GABRA3: variants seen among roughly 807,000 people sequenced by gnomAD.
The protein encoded by GABRA3 is gamma-aminobutyric acid receptor subunit alpha-3.
A neutral mutation model predicts 30.1 loss-of-function variants in GABRA3; 10 were observed. That is an observed-to-expected ratio of 0.33 (90% CI 0.20 to 0.56). The LOEUF (loss-of-function observed/expected upper bound fraction) is 0.56, where lower values mean the gene tolerates loss of function less well. GABRA3 is among the 20% of genes least tolerant of loss of function. The probability of loss-of-function intolerance (pLI) is 0.89; values close to 1 mark genes in which losing one functional copy is unlikely to be tolerated. For missense variants in GABRA3, 233 were observed against 392.0 expected (o/e 0.59, Z 3.42); for synonymous variants, 151 against 146.8 (o/e 1.03, Z -0.21).
rs1481480650 is a variant in GABRA3, at chrX:152,167,196, G to A, written c.*1032C>T. Reference sequence around the variant, plus strand: ...CCAGGGTGTGGAATGTGGAGTGTATGGAAGGAAGAATTTGACTTTCATCTG... The same window carrying A: ...CCAGGGTGTGGAATGTGGAGTGTATAGAAGGAAGAATTTGACTTTCATCTG... On this transcript the variant is annotated 3_prime_UTR_variant, in exon 10 of 10. Coordinates refer to ENST00000370314, the MANE Select transcript of GABRA3 (RefSeq NM_000808.4). The A allele has an allele frequency of 1.8e-5, 2 of 110,714 alleles. No homozygotes were observed. Among genetic ancestry groups the A allele is most frequent in the Non-Finnish European group, 3.8e-5 (2 of 52,939 alleles). 9.1% of individuals were successfully genotyped at this position (110,714 alleles called of 1,213,427 possible).
At chrX:152,372,932 T>C (rs1353527105) in intron 1 of GABRA3, among the ~76,000 whole-genome samples, 1 of 111,768 alleles carries the variant, frequency 8.9e-6, no homozygotes, top group East Asian at 2.8e-4. Context: ...ATCTCATTTT[T>C]TCAATGCCAC....
At chrX:152,449,039 C>T (rs971067465) in intron 1 of GABRA3, among the ~76,000 whole-genome samples, 2 of 111,732 alleles carry the variant, frequency 1.8e-5, no homozygotes, top group African/African-American at 3.3e-5. Flanking sequence ...GTCTAATATC[C>T]AGCATGAAGT....
chrX:152,223,380 T>G (rs1383576657), intron 6 of GABRA3, among the ~76,000 whole-genome samples: 1 of 111,867 alleles, frequency 8.9e-6, no homozygotes, highest in Non-Finnish European at 1.9e-5. Flanking sequence ...ATTTTAAAAA[T>G]TCCTAGTAAT....
chrX:152,202,891 T>A (rs1937503212), intron 7 of GABRA3, among the ~76,000 whole-genome samples: 1 of 112,765 alleles, frequency 8.9e-6, no homozygotes, highest in African/African-American at 3.2e-5. Context: ...ATTTACCTCC[T>A]CTTTCTCTTA....
At chrX:152,176,743 A>T (rs1222223130) in intron 9 of GABRA3, among the ~76,000 whole-genome samples, 2 of 111,695 alleles carry the variant, frequency 1.8e-5, no homozygotes, top group African/African-American at 6.5e-5. Flanking sequence ...AGTTACATAT[A>T]TCAGTCTGCA....
intron 1 of GABRA3, among the ~76,000 whole-genome samples, chrX:152,445,084 A>G (rs1166855238): frequency 9.6e-6 from 1 of 104,696 alleles, no homozygotes; most frequent in Non-Finnish European, 2.0e-5. Flanking sequence ...AAAAAAAAAA[A>G]AAATACTTGT....
In GABRA3 at chrX:152,303,603, A is replaced by G. The variant is rs749698050; in HGVS notation, c.263-18868T>C. On this transcript the variant is annotated intron_variant, in intron 3 of 9. Coordinates refer to ENST00000370314, the MANE Select transcript of GABRA3 (RefSeq NM_000808.4). ...ATAGACTGGATAAAGAAAATGTGGCACATATACCCATGGAATACCATGCAG... is the reference window on the plus strand; with the variant it reads ...ATAGACTGGATAAAGAAAATGTGGCGCATATACCCATGGAATACCATGCAG... Among the ~76,000 whole-genome samples, 160 of 112,252 alleles carry G rather than the reference A, an allele frequency of 1.4e-3. 1 individual carries two copies. The highest frequency in any genetic ancestry group is 4.6e-3 in the Middle Eastern group (1 of 217).
At chrX:152,214,705 G>A (rs188810700) in intron 6 of GABRA3, among the ~76,000 whole-genome samples, 81 of 111,076 alleles carry the variant, frequency 7.3e-4, no homozygotes, top group Non-Finnish European at 1.3e-3. Context: ...TCCAGTCCAT[G>A]AACACAAGAC....
chrX:152,432,026 CAT>C (rs1451035543), intron 1 of GABRA3, among the ~76,000 whole-genome samples: 1 of 111,686 alleles, frequency 9.0e-6, no homozygotes, highest in African/African-American at 3.3e-5. Flanking sequence ...ACTAATACAA[CAT>C]GTTATCTGGC....
chrX:152,371,842 G>A (rs903555799), intron 1 of GABRA3, among the ~76,000 whole-genome samples: 9 of 111,343 alleles, frequency 8.1e-5, no homozygotes, highest in African/African-American at 2.9e-4. Context: ...ATACAGCAGT[G>A]AACAAAACAG....
chrX:152,204,652 T>C (rs1229037898), intron 7 of GABRA3, among the ~76,000 whole-genome samples: 1 of 112,363 alleles, frequency 8.9e-6, no homozygotes, highest in African/African-American at 3.2e-5. Context: ...TATTACATGC[T>C]CAAAAATTGA....
At chrX:152,366,338 A>T (rs1238566256) in intron 1 of GABRA3, among the ~76,000 whole-genome samples, 1 of 112,122 alleles carries the variant, frequency 8.9e-6, no homozygotes, top group South Asian at 3.7e-4. Flanking sequence ...TCCATGGAAC[A>T]TAAGACATAG....
intron 9 of GABRA3, among the ~76,000 whole-genome samples, chrX:152,176,694 A>C (rs1381667565): frequency 9.0e-6 from 1 of 111,436 alleles, no homozygotes; most frequent in East Asian, 2.8e-4. Flanking sequence ...TTTTTATCAG[A>C]CATCCCAATA....
intron 4 of GABRA3, among the ~76,000 whole-genome samples, chrX:152,266,273 A>T (rs1886093328): frequency 8.9e-6 from 1 of 112,121 alleles, no homozygotes; most frequent in Non-Finnish European, 1.9e-5. Context: ...CATTAAAAAG[A>T]TCACTCATCA....
intron 5 of GABRA3, among the ~76,000 whole-genome samples, chrX:152,235,457 A>G (rs1258919319): frequency 1.8e-5 from 2 of 111,507 alleles, no homozygotes; most frequent in Admixed American, 1.9e-4. Context: ...CTCTGTCTGC[A>G]TATCACATGA....
At chrX:152,169,377 C>T (rs1376816104) in intron 9 of GABRA3, among the ~76,000 whole-genome samples, 1 of 112,246 alleles carries the variant, frequency 8.9e-6, no homozygotes, top group Admixed American at 9.4e-5. Flanking sequence ...GAGATAGATG[C>T]GGAGTTGCTA....
At chrX:152,237,170 G>T (rs1938238076) in intron 5 of GABRA3, among the ~76,000 whole-genome samples, 1 of 111,331 alleles carries the variant, frequency 9.0e-6, no homozygotes, top group Non-Finnish European at 1.9e-5. Flanking sequence ...ATTGATTTTT[G>T]TCTAAGGTGT....
rs1327207962 is a variant in GABRA3 at position 152,358,356 on chromosome X, T to C, written c.140+6075A>G. Among the ~76,000 whole-genome samples the C allele has an allele frequency of 2.7e-5, 3 of 111,701 alleles. No homozygotes were observed. The East Asian group carries it at 8.4e-4, about 31-fold the overall frequency. The stretch of plus-strand genomic sequence containing the variant: ...TTTTTGATTTGGCTCTCAGCTTGGA[T>C]GTTGTTGGTGTATGATGCTACTGAT... On this transcript the variant is annotated intron_variant, in intron 2 of 9. Coordinates refer to ENST00000370314, the MANE Select transcript of GABRA3 (RefSeq NM_000808.4).
At chrX:152,215,303 T>A (rs1464876711) in intron 6 of GABRA3, among the ~76,000 whole-genome samples, 1 of 110,271 alleles carries the variant, frequency 9.1e-6, no homozygotes, top group Non-Finnish European at 1.9e-5. Context: ...AGGTTTGTCA[T>A]ATATGGCCTT....
Sources: allele counts gnomAD v4.1 joint callset (sites outside exome capture counted in the v4.1 genomes callset), GRCh38; gene constraint gnomAD v4.1.1; transcripts MANE v1.5; gene names NCBI Gene and HGNC (gene_info 2026-07-23, HGNC 2026-07-21).